Variants in SRFBP1 observed in about 807,000 individuals in gnomAD.
SRFBP1 encodes serum response factor-binding protein 1.
In SRFBP1, 47 loss-of-function variants were observed where a neutral mutation model predicts 45.5. The observed-to-expected ratio is 1.03, with a 90% CI of 0.82 to 1.32. SRFBP1 has a LOEUF of 1.32. SRFBP1 is among the 40% of genes most tolerant of loss of function. SRFBP1 has a pLI of 0.00. For missense variants in SRFBP1, 621 were observed against 484.6 expected (o/e 1.28, Z -2.64); for synonymous variants, 203 against 166.3 (o/e 1.22, Z -1.70).
intron 4 of SRFBP1, among the ~76,000 whole-genome samples, chr5:121,999,120 G>A (rs546299068): frequency 1.4e-4 from 22 of 152,024 alleles, no homozygotes; most frequent in Admixed American, 7.9e-4. Flanking sequence ...TTAATGCTAT[G>A]CATTTATCTG....
intron 3 of SRFBP1, among the ~76,000 whole-genome samples, chr5:121,989,712 C>T (rs1752584807): frequency 6.6e-6 from 1 of 152,154 alleles, no homozygotes; most frequent in South Asian, 2.1e-4. Flanking sequence ...GGCTAAATAC[C>T]TAATGTAGTT....
At chr5:122,033,594 T>C (rs1753626403), downstream of SRFBP1, among the ~76,000 whole-genome samples, 1 of 151,880 alleles carries the variant, frequency 6.6e-6, no homozygotes, top group South Asian at 2.1e-4. Flanking sequence ...CCCCGTTAGC[T>C]GGGATTACAG....
At chr5:122,078,245 G>A (rs1754700158), downstream of SRFBP1, 1 of 403,614 alleles carries the variant, frequency 2.5e-6, no homozygotes, top group Admixed American at 4.5e-5. Flanking sequence ...CAGTCCCGGA[G>A]AGCGGGCAGT....
intron 4 of SRFBP1, among the ~76,000 whole-genome samples, chr5:122,010,401 C>A (rs1460782910): frequency 6.6e-6 from 1 of 151,974 alleles, no homozygotes; most frequent in East Asian, 1.9e-4. Flanking sequence ...AAATAGGAAC[C>A]AAGGAAGGCT....
downstream of SRFBP1, chr5:122,077,981 C>G: frequency 6.9e-7 from 1 of 1,454,824 alleles, no homozygotes; most frequent in Non-Finnish European, 9.0e-7. This position sits in a 1 kb window ranked among gnomAD's most constrained non-coding sequence, Gnocchi z 4.9. Flanking sequence ...CCAGGCGAAG[C>G]GCATCACTCC....
downstream of SRFBP1, chr5:122,078,016 G>C: frequency 7.0e-7 from 1 of 1,438,664 alleles, no homozygotes; most frequent in East Asian, 2.7e-5. Flanking sequence ...CCCCGCTCGA[G>C]GAGGACGTGG....
chr5:122,021,772 G>A (rs999582324), intron 6 of SRFBP1, among the ~76,000 whole-genome samples: 1 of 146,978 alleles, frequency 6.8e-6, no homozygotes, highest in African/African-American at 2.5e-5. Flanking sequence ...TGCCTCCCAG[G>A]TTCAAGCAAT....
intron 2 of SRFBP1, among the ~76,000 whole-genome samples, chr5:122,035,075 C>T (rs1240852819): frequency 6.6e-6 from 1 of 151,812 alleles, no homozygotes; most frequent in African/African-American, 2.4e-5. Context: ...TTTCTATTAC[C>T]CTTTCACAAG....
chr5:122,070,621 A>G (rs377460513), intron 2 of SRFBP1: 78 of 1,184,040 alleles, frequency 6.6e-5, no homozygotes, highest in Non-Finnish European at 9.2e-5. Context: ...ATTTAAAATT[A>G]TGGTATGTGG....
chr5:122,033,481 C>CTT (rs575972641), downstream of SRFBP1, among the ~76,000 whole-genome samples: 11 of 146,512 alleles, frequency 7.5e-5, no homozygotes, highest in African/African-American at 2.2e-4. Flanking sequence ...TGTGCTTCTG[C>CTT]TTTTTTTTTT....
At chr5:122,066,156 T>A (rs949391739) in intron 2 of SRFBP1, 4 of 152,142 alleles carry the variant, frequency 2.6e-5, no homozygotes, top group Non-Finnish European at 5.9e-5. Flanking sequence ...ACATACTTTT[T>A]ATATAGGGAT....
chr5:121,989,240 T>C (rs1752577847), intron 3 of SRFBP1, among the ~76,000 whole-genome samples: 1 of 151,970 alleles, frequency 6.6e-6, no homozygotes, highest in African/African-American at 2.4e-5. Flanking sequence ...ATTTTTGTAT[T>C]TCTTTTTAGT....
At chr5:121,998,085 A>G (rs113173272) in intron 4 of SRFBP1, among the ~76,000 whole-genome samples, 2 of 151,986 alleles carry the variant, frequency 1.3e-5, no homozygotes, top group South Asian at 2.1e-4. Flanking sequence ...ACTTAGTTCA[A>G]CCATTGTGGA....
chr5:122,003,734 CT>C (rs1355626319), intron 4 of SRFBP1, among the ~76,000 whole-genome samples: 2 of 152,040 alleles, frequency 1.3e-5, no homozygotes, highest in African/African-American at 4.8e-5. Flanking sequence ...TATCTTTAGG[CT>C]TTTTTGTAGT....
intron 2 of SRFBP1, among the ~76,000 whole-genome samples, chr5:122,039,348 G>C (rs1032662853): frequency 6.6e-6 from 1 of 152,158 alleles, no homozygotes; most frequent in Admixed American, 6.5e-5. Context: ...ACTTTGAATT[G>C]CCTCTGTTGA....
At chr5:122,004,355 G>A (rs533990939) in intron 4 of SRFBP1, among the ~76,000 whole-genome samples, 47 of 152,024 alleles carry the variant, frequency 3.1e-4, no homozygotes, top group African/African-American at 1.1e-3. Flanking sequence ...ATATCCAGTT[G>A]TCCCAGTACT....
chr5:121,989,091 G>T (rs897182620), intron 3 of SRFBP1, among the ~76,000 whole-genome samples: 1 of 151,982 alleles, frequency 6.6e-6, no homozygotes, highest in Non-Finnish European at 1.5e-5. Context: ...TTGAGCCGGA[G>T]TCTAGCTCTA....
intron 2 of SRFBP1, among the ~76,000 whole-genome samples, chr5:122,047,729 G>T (rs1366187730): frequency 6.6e-6 from 1 of 152,154 alleles, no homozygotes; most frequent in Non-Finnish European, 1.5e-5. Context: ...TCATTGAGCA[G>T]TGGTTTGTAG....
intron 1 of SRFBP1, among the ~76,000 whole-genome samples, chr5:121,973,062 A>C (rs1233843685): frequency 6.6e-6 from 1 of 152,030 alleles, no homozygotes; most frequent in South Asian, 2.1e-4. Context: ...AGCCTTAAAG[A>C]AACAGGATGA....
Sources: allele counts gnomAD v4.1 joint callset (sites outside exome capture counted in the v4.1 genomes callset), GRCh38; gene constraint gnomAD v4.1.1; non-coding constraint Gnocchi (gnomAD v3.1); transcripts MANE v1.5; gene names NCBI Gene and HGNC (gene_info 2026-07-23, HGNC 2026-07-21).